The following CACNA1D variants were observed in gnomAD, a reference collection of about 807,000 sequenced individuals.
CACNA1D encodes calcium voltage-gated channel subunit alpha1 D.
CACNA1D carries 55 observed loss-of-function variants against 257.1 expected under a neutral mutation model. That is an observed-to-expected ratio of 0.21 (90% CI 0.17 to 0.27). The LOEUF (loss-of-function observed/expected upper bound fraction) is 0.27, where lower values mean the gene tolerates loss of function less well. Ranked by LOEUF, CACNA1D falls within the 10% of genes least tolerant of loss-of-function variation. CACNA1D has a pLI of 1.00. For synonymous variants in CACNA1D, 980 were observed against 1,014.9 expected (o/e 0.97, Z 0.65); for missense variants, 1,876 against 2,784.0 (o/e 0.67, Z 7.34).
chr3:53,788,410 A>G (rs1019034808), intron 40 of CACNA1D, among the ~76,000 whole-genome samples: 3 of 152,180 alleles, frequency 2.0e-5, no homozygotes, highest in Admixed American at 1.3e-4. Flanking sequence ...AGGTGGTAGG[A>G]TTTGCAAATG....
chr3:53,781,629 G>A lies in CACNA1D; in HGVS notation c.4754G>A (p.Ser1585Asn). 1 of 1,614,070 alleles carries A rather than the reference G, an allele frequency of 6.2e-7. No individual in the cohort carries two copies. ...ATAAAGAAAATTTGGAAGAAAACCA[G>A]CATGAAATTACTTGACCAAGTTGTC... ...AVIKKIWKKT[S>N]MKLLDQVVPP... The change falls in exon 39 of 48, where the codon AGC (serine) becomes AAC (asparagine). Residue 1585 changes from serine (S) to asparagine (N), a missense_variant. Around this residue, in one of 10 missense-constraint regions of CACNA1D, gnomAD observed 160 missense variants for 236.6 expected, o/e 0.68. Coordinates refer to ENST00000350061, the MANE Select transcript of CACNA1D (RefSeq NM_001128840.3).
At chr3:53,611,622 C>T (rs893593445) in intron 3 of CACNA1D, among the ~76,000 whole-genome samples, 10 of 151,998 alleles carry the variant, frequency 6.6e-5, no homozygotes, top group African/African-American at 2.2e-4. Context: ...ACCCCTCTGC[C>T]CAGAACTTCG....
intron 3 of CACNA1D, among the ~76,000 whole-genome samples, chr3:53,521,257 G>A (rs577321474): frequency 3.9e-5 from 6 of 152,194 alleles, no homozygotes; most frequent in African/African-American, 1.2e-4. Context: ...TGCCCAAACT[G>A]GTCTTGAAAT....
intron 32 of CACNA1D, among the ~76,000 whole-genome samples, chr3:53,772,566 G>T (rs1236995890): frequency 2.6e-5 from 4 of 152,228 alleles, no homozygotes; most frequent in Admixed American, 6.5e-5. Flanking sequence ...AAAATGTTTA[G>T]GGTTAGGCTA....
intron 28 of CACNA1D, 25 bp from the exon 29 acceptor site, chr3:53,753,547 A>G (rs1348968792): frequency 6.9e-7 from 1 of 1,441,780 alleles, no homozygotes; most frequent in Admixed American, 1.7e-5. Flanking sequence ...GGCTCTGAGA[A>G]CGGTCCCTCT....
intron 3 of CACNA1D, among the ~76,000 whole-genome samples, chr3:53,608,941 C>G (rs541293828): frequency 1.3e-5 from 2 of 152,058 alleles, no homozygotes; most frequent in Non-Finnish European, 2.9e-5. Flanking sequence ...TTATAGTTTT[C>G]TTTCTTTAAA....
intron 3 of CACNA1D, among the ~76,000 whole-genome samples, chr3:53,506,680 CT>C (rs1466196577): frequency 6.6e-6 from 1 of 152,184 alleles, no homozygotes; most frequent in East Asian, 1.9e-4. Flanking sequence ...GAGAGGCTGA[CT>C]TTTTGTCCAT....
intron 3 of CACNA1D, among the ~76,000 whole-genome samples, chr3:53,556,640 T>C (rs1436092757): frequency 1.3e-5 from 2 of 152,170 alleles, no homozygotes; most frequent in Non-Finnish European, 2.9e-5. Context: ...TCCAGGTCTT[T>C]TATCAGATAT....
At chr3:53,595,517 G>C (rs915228398) in intron 3 of CACNA1D, among the ~76,000 whole-genome samples, 1 of 152,144 alleles carries the variant, frequency 6.6e-6, no homozygotes, top group Non-Finnish European at 1.5e-5. Flanking sequence ...TTTGTCCTCT[G>C]TCTCCAGCTG....
At chr3:53,805,610 C>A (rs1351959082) in intron 45 of CACNA1D, among the ~76,000 whole-genome samples, 1 of 152,116 alleles carries the variant, frequency 6.6e-6, no homozygotes, top group Non-Finnish European at 1.5e-5. Flanking sequence ...AAACCCCATG[C>A]CTCTGAGGGC....
At chr3:53,686,851 T>G (rs1272447267) in intron 8 of CACNA1D, among the ~76,000 whole-genome samples, 1 of 152,070 alleles carries the variant, frequency 6.6e-6, no homozygotes, top group African/African-American at 2.4e-5. Flanking sequence ...AAGAAAAAAC[T>G]ATTTCTATTT....
At chr3:53,684,196 T>A (rs933515627) in intron 8 of CACNA1D, among the ~76,000 whole-genome samples, 1 of 152,168 alleles carries the variant, frequency 6.6e-6, no homozygotes, top group Non-Finnish European at 1.5e-5. Context: ...AAGAAGGAAG[T>A]AGAAAAACTT....
intron 3 of CACNA1D, among the ~76,000 whole-genome samples, chr3:53,642,009 C>T (rs1201277681): frequency 6.6e-6 from 1 of 152,142 alleles, no homozygotes; most frequent in Non-Finnish European, 1.5e-5. Flanking sequence ...CCTTCATTTG[C>T]AGGTGACAAA....
chr3:53,722,287 A>G lies in CACNA1D; in HGVS notation c.1506-27A>G, dbSNP rs770347556. 5 of 1,612,930 alleles carry G rather than the reference A, an allele frequency of 3.1e-6. No individual in the cohort carries two copies. The South Asian group carries it at 3.3e-5, about 11-fold the overall frequency. On this transcript the variant is annotated intron_variant, in intron 11 of 47. Coordinates refer to ENST00000350061, the MANE Select transcript of CACNA1D (RefSeq NM_001128840.3). ...TACTCAGATGCTGTATCTGTCATCT[A>G]CGTAGTAATGTTTGCTTGTCTTTTA...
intron 44 of CACNA1D, among the ~76,000 whole-genome samples, chr3:53,803,910 A>C (rs1416027073): frequency 6.6e-6 from 1 of 152,128 alleles, no homozygotes; most frequent in Non-Finnish European, 1.5e-5. Flanking sequence ...CTGAATTAAC[A>C]CTTGGAGCTC....
chr3:53,639,898 C>G (rs1426397101), intron 3 of CACNA1D, among the ~76,000 whole-genome samples: 1 of 134,084 alleles, frequency 7.5e-6, no homozygotes, highest in Non-Finnish European at 1.5e-5. Flanking sequence ...GAGTCTCGCT[C>G]TCACCCAGGT....
chr3:53,750,657 A>C (rs969738523), intron 27 of CACNA1D, among the ~76,000 whole-genome samples: 5 of 152,182 alleles, frequency 3.3e-5, no homozygotes, highest in Non-Finnish European at 7.3e-5. Flanking sequence ...GTGTCAGAGC[A>C]AGGCCAGGCC....
chr3:53,721,162 A>G (rs923193703), intron 11 of CACNA1D, among the ~76,000 whole-genome samples: 5 of 152,198 alleles, frequency 3.3e-5, no homozygotes, highest in Non-Finnish European at 7.3e-5. Flanking sequence ...GCTGGCCAAC[A>G]TGTTAGAAGC....
chr3:53,745,182 A>C (rs545167026), intron 23 of CACNA1D, among the ~76,000 whole-genome samples: 1 of 150,290 alleles, frequency 6.7e-6, no homozygotes, highest in South Asian at 2.1e-4. Flanking sequence ...TGAGTCATTT[A>C]TGGGGTGGGG....
Sources: allele counts gnomAD v4.1 joint callset (sites outside exome capture counted in the v4.1 genomes callset), GRCh38; gene constraint gnomAD v4.1.1; regional missense constraint gnomAD v4.1.1; transcripts MANE v1.5; gene names NCBI Gene and HGNC (gene_info 2026-07-23, HGNC 2026-07-21).